Variants in SLC26A2 observed in about 807,000 individuals in gnomAD.
SLC26A2 encodes sulfate transporter.
SLC26A2 carries 36 observed loss-of-function variants against 41.1 expected under a neutral mutation model. That is an observed-to-expected ratio of 0.88 (90% CI 0.67 to 1.16). SLC26A2 has a LOEUF of 1.16. SLC26A2 is among the 50% of genes most tolerant of loss of function. SLC26A2 has a pLI of 0.00. For synonymous variants in SLC26A2, 291 were observed against 311.6 expected (o/e 0.93, Z 0.70); for missense variants, 796 against 869.6 (o/e 0.92, Z 1.07).
At position 149,977,803 on chromosome 5, in the gene SLC26A2, TATC is replaced by T; in HGVS notation, c.154_156del (p.His52del). ...TGAGACCAATGATCAATGCAGACCT[TATC>T]ATAGGATCCTTATTGAGCGTCAAGA... On this transcript the variant is annotated inframe_deletion, in exon 2 of 3. Coordinates refer to ENST00000286298, the MANE Select transcript of SLC26A2 (RefSeq NM_000112.4). 6.2e-7 allele frequency: 1 copy of T among 1,614,088 alleles called. No homozygotes were observed. The highest frequency in any genetic ancestry group is 8.5e-7 in the Non-Finnish European group (1 of 1,179,942).
At chr5:149,979,686 A>G (rs1405193343) in intron 2 of SLC26A2, among the ~76,000 whole-genome samples, 1 of 152,150 alleles carries the variant, frequency 6.6e-6, no homozygotes, top group Non-Finnish European at 1.5e-5. Flanking sequence ...ATAAGTACAT[A>G]TATACTGCAT....
intron 1 of SLC26A2, among the ~76,000 whole-genome samples, chr5:149,974,924 C>T (rs941155847): frequency 6.6e-6 from 1 of 152,010 alleles, no homozygotes; most frequent in African/African-American, 2.4e-5. Context: ...CCTGTTTCAC[C>T]ATGTTGGTCA....
chr5:149,979,807 T>C lies in SLC26A2; in HGVS notation c.700-486T>C, dbSNP rs753198901. On this transcript the variant is annotated intron_variant, in intron 2 of 2. Coordinates refer to ENST00000286298, the MANE Select transcript of SLC26A2 (RefSeq NM_000112.4). ...GTTTTACCAATTAAAACTTCACTTG[T>C]ACACTTGCTCTTAGCCAAGAGGCTG... is the stretch of plus-strand genomic sequence containing the variant. 2.9e-4 allele frequency among the ~76,000 whole-genome samples: 44 copies of C among 152,276 alleles called. 1 individual carries two copies. Among genetic ancestry groups the C allele is most frequent in the Non-Finnish European group, 4.4e-5 (3 of 68,042 alleles).
Position 149,980,888 on chromosome 5 carries a change from A to G in SLC26A2, c.1295A>G (p.His432Arg), listed in dbSNP as rs116443969. 5.5e-5 allele frequency: 88 copies of G among 1,614,086 alleles called. No homozygotes were observed. The African/African-American group carries it at 1.1e-3, about 19-fold the overall frequency. The part of the protein sequence containing the change: ...GFCNIIPSFF[H>R]CFTTSAALAK... ...TGTAATATCATCCCTTCCTTCTTCCACTGTTTTACTACTAGTGCAGCTCTT... is the reference window on the plus strand; with the variant it reads ...TGTAATATCATCCCTTCCTTCTTCCGCTGTTTTACTACTAGTGCAGCTCTT... Residue 432 changes from histidine to arginine, a missense_variant, in exon 3 of 3, where the codon CAC becomes CGC. His to Arg is a conservative substitution (Grantham distance 29). Transcript: ENST00000286298.
rs1755064556 is a variant in SLC26A2 at position 149,980,068 on chromosome 5, C to A, written c.700-225C>A. ...AAAGAAATCCAAAGTTCCTGTCTCACCTGGGTTAATAAGTAACAGTGTGAC... is the reference window on the plus strand; with the variant it reads ...AAAGAAATCCAAAGTTCCTGTCTCAACTGGGTTAATAAGTAACAGTGTGAC... On this transcript the variant is annotated intron_variant, in intron 2 of 2. Transcript: ENST00000286298. Among the ~76,000 whole-genome samples, 3 of 152,086 alleles carry A rather than the reference C, an allele frequency of 2.0e-5. 1 individual carries two copies. The South Asian group carries it at 6.2e-4, about 32-fold the overall frequency.
Position 149,980,323 on chromosome 5 carries a change from G to T in SLC26A2, c.730G>T (p.Val244Phe). The T allele has an allele frequency of 6.2e-7, 1 of 1,614,074 alleles. No homozygotes were observed. The highest frequency in any genetic ancestry group is 8.5e-7 in the Non-Finnish European group (1 of 1,179,976). ...GATGGGCTTCTTTCAAGTGGGTTTT[G>T]TTTCTGTCTACCTCTCAGATGCCTT... ...VAMGFFQVGFVSVYLSDALLS... is the reference protein window; with the variant it reads ...VAMGFFQVGFFSVYLSDALLS... Residue 244 changes from valine to phenylalanine, a missense_variant, in exon 3 of 3, where the codon GTT becomes TTT. Val to Phe is a conservative substitution (Grantham distance 50). Transcript: ENST00000286298.
In SLC26A2 at chr5:149,977,749, AG is replaced by A. The variant is rs2113695568; in HGVS notation, c.100del (p.Glu34AsnfsTer55). On this transcript the variant is annotated frameshift_variant, in exon 2 of 3. Transcript: ENST00000286298. LOFTEE classifies it high-confidence loss of function. ...YPSGIHLELQ[R>X]ESSTDFKQFE... is the part of the protein sequence containing the mutation. ...ATCTGGGATCCATCTGGAACTTCAA[AG>A]GGAATCAAGTACTGACTTCAAGCAA... The A allele has an allele frequency of 6.2e-7, 1 of 1,613,972 alleles. No homozygotes were observed. The highest frequency in any genetic ancestry group is 8.5e-7 in the Non-Finnish European group (1 of 1,179,820).
In SLC26A2 at chr5:149,985,602, G is replaced by A. The variant is rs1402767869; in HGVS notation, c.*3789G>A. Reference sequence around the variant, plus strand: ...TTAGCCCTGATCTGAATATAAAAGTGAGAAAAGGGCTACAGTGCATTTCTT... The same window carrying A: ...TTAGCCCTGATCTGAATATAAAAGTAAGAAAAGGGCTACAGTGCATTTCTT... On this transcript the variant is annotated 3_prime_UTR_variant, in exon 3 of 3. Transcript: ENST00000286298. 1.3e-5 allele frequency: 2 copies of A among 152,158 alleles called. No homozygotes were observed. The highest frequency in any genetic ancestry group is 1.9e-4 in the East Asian group (1 of 5,192). The allele number at this position is 152,158 out of a possible 1,614,324, so 9.4% of individuals were successfully genotyped here.
At chr5:149,961,677 C>T (rs1754708580) in intron 1 of SLC26A2, among the ~76,000 whole-genome samples, 1 of 152,116 alleles carries the variant, frequency 6.6e-6, no homozygotes, top group Admixed American at 6.6e-5. Context: ...TGCCTTCCGG[C>T]GCCCATTCTA....
intron 1 of SLC26A2, among the ~76,000 whole-genome samples, chr5:149,964,848 G>A (rs548812961): frequency 6.6e-6 from 1 of 152,258 alleles, no homozygotes; most frequent in East Asian, 1.9e-4. Flanking sequence ...TACAGGAACT[G>A]TGTACTATTT....
rs747048231 is a variant in SLC26A2, at chr5:149,978,119, C to A, written c.467C>A (p.Thr156Asn). The A allele has an allele frequency of 6.2e-7, 1 of 1,603,998 alleles. No homozygotes were observed. Among genetic ancestry groups the A allele is most frequent in the Non-Finnish European group, 8.5e-7 (1 of 1,174,080 alleles). The change falls in exon 2 of 3, where the codon ACC becomes AAC. Residue 156 changes from threonine to asparagine, a missense_variant. Thr to Asn is a moderately conservative substitution (Grantham distance 65). Transcript: ENST00000286298. Reference protein sequence around the residue: ...FASIIYFLLGTSRHISVGIFG... With the variant: ...FASIIYFLLGNSRHISVGIFG... ...AGCATCATTTATTTTCTCTTGGGTA[C>A]CTCCCGTCACATCTCTGTGGGCATT...
Position 149,977,881 on chromosome 5 carries a change from A to C in SLC26A2, c.229A>C (p.Asn77His), listed in dbSNP as rs76784312. The part of the protein sequence containing the change: ...KEFVIKKLQK[N>H]CQCSPAKAKN... ...GTTTGTTATTAAAAAGCTGCAGAAG[A>C]ATTGCCAGTGCAGTCCAGCCAAAGC... Residue 77 changes from asparagine to histidine, a missense_variant, in exon 2 of 3, where the codon AAT becomes CAT. By Grantham distance (68) the Asn-to-His change is moderately conservative. Coordinates refer to ENST00000286298, the MANE Select transcript of SLC26A2 (RefSeq NM_000112.4). The C allele has an allele frequency of 2.2e-3, 3,592 of 1,614,196 alleles. 72 individuals are homozygous for C. The South Asian group carries it at 0.034, about 15-fold the overall frequency.
At position 149,983,817 on chromosome 5, in the gene SLC26A2, T is replaced by A. The variant is rs1312957875; in HGVS notation, c.*2004T>A. On this transcript the variant is annotated 3_prime_UTR_variant, in exon 3 of 3. Transcript: ENST00000286298. ...GGTCTCAAACTCCAGGCTCAAGCAATCCTTCAGCCTCAGCCTCCCAGAGTG... is the reference window on the plus strand; with the variant it reads ...GGTCTCAAACTCCAGGCTCAAGCAAACCTTCAGCCTCAGCCTCCCAGAGTG... 1 of 152,304 alleles carries A rather than the reference T, an allele frequency of 6.6e-6. No homozygotes were observed. The highest frequency in any genetic ancestry group is 2.4e-5 in the African/African-American group (1 of 41,438). The allele number at this position is 152,304 out of a possible 1,614,324, so 9.4% of individuals were successfully genotyped here. A position where few individuals can be genotyped will look rare whatever the true frequency, so the allele number is the denominator to read the frequency against.
intron 1 of SLC26A2, among the ~76,000 whole-genome samples, 195 bp downstream of exon 1, chr5:149,961,174 C>T (rs1265065368): frequency 6.6e-6 from 1 of 152,250 alleles, no homozygotes; most frequent in East Asian, 1.9e-4. Context: ...GGCACTGCAC[C>T]CTGGTGATCC....
At chr5:149,970,733 G>C (rs1452972475) in intron 1 of SLC26A2, among the ~76,000 whole-genome samples, 2 of 152,164 alleles carry the variant, frequency 1.3e-5, no homozygotes, top group Non-Finnish European at 2.9e-5. Flanking sequence ...CCAGGTGAGA[G>C]AGGATGGTAG....
At position 149,978,310 on chromosome 5, in the gene SLC26A2, A is replaced by G. The variant is rs991566867; in HGVS notation, c.658A>G (p.Met220Val). 5.0e-6 allele frequency: 8 copies of G among 1,613,756 alleles called. No homozygotes were observed. The highest frequency in any genetic ancestry group is 1.3e-5 in the African/African-American group (1 of 74,928). ...RICDKSCYAI[M>V]VGSTVTFIAG... is the part of the protein sequence containing the mutation. ...ATGTGACAAAAGTTGCTATGCAATT[A>G]TGGTTGGCAGCACTGTAACCTTTAT... The change falls in exon 2 of 3, where the codon ATG (methionine) becomes GTG (valine). Residue 220 changes from methionine (M) to valine (V), a missense_variant. Met to Val is a conservative substitution (Grantham distance 21). Transcript: ENST00000286298.
At chr5:149,965,265 A>G (rs1754786475) in intron 1 of SLC26A2, among the ~76,000 whole-genome samples, 1 of 152,132 alleles carries the variant, frequency 6.6e-6, no homozygotes, top group Non-Finnish European at 1.5e-5. Context: ...GGCGGATCAC[A>G]AGGTCTGGAG....
Position 149,982,774 on chromosome 5 carries a change from C to G in SLC26A2, c.*961C>G, listed in dbSNP as rs896226687. ...TATTGATGACAATGACAGCTTTTAA[C>G]TCTTCAAGTCACCTAAAGCTATTAT... On this transcript the variant is annotated 3_prime_UTR_variant, in exon 3 of 3. Coordinates refer to ENST00000286298, the MANE Select transcript of SLC26A2 (RefSeq NM_000112.4). 1 of 152,172 alleles carries G rather than the reference C, an allele frequency of 6.6e-6. No homozygotes were observed. Among genetic ancestry groups the G allele is most frequent in the African/African-American group, 2.4e-5 (1 of 41,428 alleles). 9.4% of individuals were successfully genotyped at this position (152,172 alleles called of 1,614,324 possible).
At chr5:149,962,477 C>T (rs1754729326) in intron 1 of SLC26A2, among the ~76,000 whole-genome samples, 1 of 151,856 alleles carries the variant, frequency 6.6e-6, no homozygotes, top group Non-Finnish European at 1.5e-5. Flanking sequence ...TAGCTGGAAC[C>T]ACAGGTGCAC....
Sources: allele counts gnomAD v4.1 joint callset (sites outside exome capture counted in the v4.1 genomes callset), GRCh38; gene constraint gnomAD v4.1.1; transcripts MANE v1.5; gene names NCBI Gene and HGNC (gene_info 2026-07-23, HGNC 2026-07-21).